TMEM87A: variants seen among roughly 807,000 people sequenced by gnomAD.
TMEM87A encodes the protein transmembrane protein 87A.
Under a neutral mutation model 90.0 loss-of-function variants are expected in TMEM87A, and 50 were observed. That is an observed-to-expected ratio of 0.56 (90% CI 0.44 to 0.70). The LOEUF is 0.70. Ranked by LOEUF, TMEM87A falls within the 30% of genes least tolerant of loss-of-function variation. TMEM87A has a pLI of 0.00. For missense variants in TMEM87A, 577 were observed against 660.5 expected, an observed-to-expected ratio of 0.87 and a Z score of 1.39; for synonymous variants, 226 against 226.7, an observed-to-expected ratio of 1.00 and a Z score of 0.03.
chr15:42,211,812 C>T, intron 19 of TMEM87A, 63 bp from the exon 20 acceptor site: 1 of 1,397,660 alleles, frequency 7.2e-7, no homozygotes, highest in Admixed American at 1.8e-5. Context: ...CAAATATCTT[C>T]TATACAGACT....
intron 6 of TMEM87A, among the ~76,000 whole-genome samples, 161 bp from the exon 7 acceptor site, chr15:42,244,328 A>G (rs1481889304): frequency 6.6e-6 from 1 of 152,210 alleles, no homozygotes; most frequent in East Asian, 1.9e-4. Flanking sequence ...AAACAAGCCT[A>G]GTGCATAAAG....
chr15:42,224,493 G>A (rs568524090), intron 15 of TMEM87A: 2 of 152,268 alleles, frequency 1.3e-5, no homozygotes, highest in East Asian at 3.9e-4. Context: ...CGAACACCAG[G>A]AAAGAAAATA....
chr15:42,221,429 C>T (rs1014037046), intron 15 of TMEM87A, among the ~76,000 whole-genome samples: 9 of 151,904 alleles, frequency 5.9e-5, no homozygotes, highest in African/African-American at 1.9e-4. Flanking sequence ...AGTTACAAAA[C>T]GTAATTCAAA....
At chr15:42,247,140 TTGA>T (rs1195872433) in intron 6 of TMEM87A, among the ~76,000 whole-genome samples, 1 of 152,164 alleles carries the variant, frequency 6.6e-6, no homozygotes, top group African/African-American at 2.4e-5. Flanking sequence ...TTTGATGGGG[TTGA>T]TTTTTTCTTG....
chr15:42,214,123 C>CT (rs2050341276), intron 19 of TMEM87A, among the ~76,000 whole-genome samples: 1 of 150,590 alleles, frequency 6.6e-6, no homozygotes, highest in South Asian at 2.2e-4. Context: ...AATAGAAAAT[C>CT]CGGGGGGGGA....
intron 3 of TMEM87A, among the ~76,000 whole-genome samples, chr15:42,264,699 A>ATATATATATATTTTTT (rs10681614): frequency 0.011 from 1,214 of 109,392 alleles, 28 homozygotes; most frequent in East Asian, 0.071. Context: ...ATATATATAT[A>ATATATATATATTTTTT]TTTTTTTTTT....
chr15:42,254,946 C>G (rs571660368), intron 6 of TMEM87A, among the ~76,000 whole-genome samples: 238 of 148,086 alleles, frequency 1.6e-3, no homozygotes, highest in African/African-American at 5.7e-3. Flanking sequence ...GGTATAGACA[C>G]AGCATGTGGG....
At chr15:42,239,242 T>C (rs940767051) in intron 8 of TMEM87A, among the ~76,000 whole-genome samples, 3 of 152,162 alleles carry the variant, frequency 2.0e-5, no homozygotes, top group Non-Finnish European at 2.9e-5. Context: ...GGTTTCACCA[T>C]GTTGGCCAGG....
chr15:42,241,752 C>A (rs1006732022), intron 7 of TMEM87A, among the ~76,000 whole-genome samples: 2 of 152,044 alleles, frequency 1.3e-5, no homozygotes, highest in Admixed American at 1.3e-4. Flanking sequence ...CATTGCGAGG[C>A]CAAGGCGGGC....
chr15:42,264,083 A>C lies in TMEM87A; in HGVS notation c.405+7T>G, dbSNP rs1355480829. The C allele has an allele frequency of 6.2e-7, 1 of 1,606,104 alleles. No individual in the cohort carries two copies. The highest frequency in any genetic ancestry group is 1.3e-5 in the African/African-American group (1 of 74,570). On this transcript the variant is annotated splice_region_variant and intron_variant, in intron 4 of 19. Transcript: ENST00000389834. ...TCTATTTATCTCCAATCACTTTCAA[A>C]GATTACCTGTGTTTTAAAGAGTTCA... is the stretch of plus-strand genomic sequence containing the variant.
chr15:42,215,635 TA>T (rs984611939), intron 19 of TMEM87A, among the ~76,000 whole-genome samples: 1 of 151,664 alleles, frequency 6.6e-6, no homozygotes, highest in Non-Finnish European at 1.5e-5. Flanking sequence ...GACAGGTATA[TA>T]AAAAAAATGC....
chr15:42,263,998 A>T, intron 4 of TMEM87A, 92 bp downstream of exon 4: 1 of 904,952 alleles, frequency 1.1e-6, no homozygotes, highest in Non-Finnish European at 1.7e-6. Context: ...GCCAAAAGAA[A>T]TACTTGAGAA....
intron 6 of TMEM87A, chr15:42,258,847 G>A (rs1452648950): frequency 1.3e-6 from 2 of 1,497,538 alleles, no homozygotes; most frequent in Non-Finnish European, 1.8e-6. Flanking sequence ...CAGAATGGCA[G>A]AATAAGAAAC....
chr15:42,221,793 C>T (rs991863218), intron 15 of TMEM87A, among the ~76,000 whole-genome samples: 1 of 152,166 alleles, frequency 6.6e-6, no homozygotes, highest in Non-Finnish European at 1.5e-5. Flanking sequence ...CTCTGTTGTC[C>T]AGGCTGCAGT....
chr15:42,272,115 AT>A lies in TMEM87A; in HGVS notation c.152del (p.Asn51IlefsTer17). On this transcript the variant is annotated frameshift_variant, in exon 2 of 20. Transcript: ENST00000389834. LOFTEE classifies it high-confidence loss of function. Reference protein sequence around the residue: ...KWHIPIPSGKNYFSFGKILFR... With the variant: ...KWHIPIPSGKXYFSFGKILFR... ...AGAGGATCTTTCCAAAACTAAAATA[AT>A]TTTTCCCCTGCAAACATAAAGGAAA... 6.2e-7 allele frequency: 1 copy of A among 1,606,986 alleles called. No individual in the cohort carries two copies. The highest frequency in any genetic ancestry group is 1.1e-5 in the South Asian group (1 of 89,294).
chr15:42,229,396 GAGAA>G (rs983417254), intron 12 of TMEM87A, among the ~76,000 whole-genome samples: 2 of 151,584 alleles, frequency 1.3e-5, no homozygotes, highest in African/African-American at 2.4e-5. Flanking sequence ...ATATAAAAAA[GAGAA>G]AGGAAGAGGC....
intron 15 of TMEM87A, among the ~76,000 whole-genome samples, chr15:42,225,302 G>T (rs2677752): frequency 2.4e-3 from 146 of 61,798 alleles, no homozygotes; most frequent in African/African-American, 4.9e-3. Context: ...AATGCAAATG[G>T]GGGGGGGGGG....
intron 6 of TMEM87A, among the ~76,000 whole-genome samples, 194 bp downstream of exon 6, chr15:42,260,764 G>C (rs1321575290): frequency 6.6e-6 from 1 of 152,096 alleles, no homozygotes; most frequent in Non-Finnish European, 1.5e-5. Flanking sequence ...AGAAAATTCA[G>C]AAAACACAAA....
intron 17 of TMEM87A, among the ~76,000 whole-genome samples, chr15:42,219,308 A>C (rs1427891143): frequency 6.6e-6 from 1 of 152,192 alleles, no homozygotes; most frequent in African/African-American, 2.4e-5. Context: ...TTAACCCCTT[A>C]ACAGATGCAA....
Sources: allele counts gnomAD v4.1 joint callset (sites outside exome capture counted in the v4.1 genomes callset), GRCh38; gene constraint gnomAD v4.1.1; transcripts MANE v1.5; gene names NCBI Gene and HGNC (gene_info 2026-07-23, HGNC 2026-07-21).